TNFRSF10D: variants seen among roughly 807,000 people sequenced by gnomAD.
TNFRSF10D encodes the protein tumor necrosis factor receptor superfamily member 10D.
In TNFRSF10D, 28 loss-of-function variants were observed where a neutral mutation model predicts 42.1. The observed-to-expected ratio is 0.66, with a 90% CI of 0.49 to 0.91. The LOEUF is 0.91. Ranked by LOEUF, TNFRSF10D falls within the 40% of genes least tolerant of loss-of-function variation. TNFRSF10D has a pLI of 0.00. For missense variants in TNFRSF10D, 503 were observed against 486.1 expected (o/e 1.03, Z -0.33); for synonymous variants, 186 against 189.4 (o/e 0.98, Z 0.15).
chr8:23,152,236 A>T (rs190656937), intron 2 of TNFRSF10D, among the ~76,000 whole-genome samples: 21 of 152,264 alleles, frequency 1.4e-4, no homozygotes, highest in African/African-American at 4.6e-4. Context: ...TTACTTACAG[A>T]CTCCAGAGAG....
intron 7 of TNFRSF10D, among the ~76,000 whole-genome samples, chr8:23,140,375 GACACACACACACAC>G (rs71546853): frequency 2.5e-3 from 370 of 145,330 alleles, no homozygotes; most frequent in African/African-American, 7.5e-3. Context: ...ATTTACAACA[GACACACACACACAC>G]ACACACACAC....
In TNFRSF10D at chr8:23,145,745, A is replaced by C; in HGVS notation, c.659T>G (p.Val220Gly). 1 of 1,608,554 alleles carries C rather than the reference A, an allele frequency of 6.2e-7. No individual in the cohort carries two copies. Among genetic ancestry groups the C allele is most frequent in the Non-Finnish European group, 8.5e-7 (1 of 1,179,982 alleles). Residue 220 changes from valine (V) to glycine (G), a missense_variant, in exon 5 of 9, where the codon GTC becomes GGC. Transcript: ENST00000312584. ...YHYLIIIVVLVIILAVVVVGF... is the reference protein window; with the variant it reads ...YHYLIIIVVLGIILAVVVVGF... ...AACCACAACCACAGCTAAAATGATG[A>C]CTAAAACCACTATGATGATAAGGTA...
At position 23,137,816 on chromosome 8, in the gene TNFRSF10D, C is replaced by G; in HGVS notation, c.*54G>C. ...GGACTGTTTCTTCCAGGCTGCTTCC[C>G]TTTGTAGGAGAAAAGGTAAATGAGG... is the stretch of plus-strand genomic sequence containing the variant. On this transcript the variant is annotated 3_prime_UTR_variant, in exon 9 of 9. Transcript: ENST00000312584. 1 of 1,577,654 alleles carries G rather than the reference C, an allele frequency of 6.3e-7. No individual in the cohort carries two copies. Among genetic ancestry groups the G allele is most frequent in the South Asian group, 1.2e-5 (1 of 83,994 alleles).
chr8:23,160,670 G>C (rs552698868), intron 1 of TNFRSF10D, among the ~76,000 whole-genome samples: 1 of 152,112 alleles, frequency 6.6e-6, no homozygotes, highest in African/African-American at 2.4e-5. Context: ...GCATGGCACT[G>C]TCCCCACTGT....
chr8:23,160,576 G>T (rs1351624939), intron 1 of TNFRSF10D, among the ~76,000 whole-genome samples: 1 of 152,162 alleles, frequency 6.6e-6, no homozygotes, highest in African/African-American at 2.4e-5. Context: ...CATGTCCCCT[G>T]GTTGTTAGGA....
chr8:23,150,739 TAAC>T (rs1011514869), intron 2 of TNFRSF10D, among the ~76,000 whole-genome samples: 5 of 151,826 alleles, frequency 3.3e-5, no homozygotes, highest in African/African-American at 7.3e-5. Context: ...ATTCTAAAAT[TAAC>T]AACAACACAA....
intron 2 of TNFRSF10D, among the ~76,000 whole-genome samples, chr8:23,150,197 G>T (rs1004811319): frequency 2.0e-5 from 3 of 150,162 alleles, no homozygotes; most frequent in African/African-American, 7.5e-5. Context: ...ATGAACTCAG[G>T]CTCCAGGCCC....
At chr8:23,154,789 C>A (rs2128838877) in intron 2 of TNFRSF10D, 85 bp downstream of exon 2, 1 of 1,396,650 alleles carries the variant, frequency 7.2e-7, no homozygotes, top group Non-Finnish European at 9.9e-7. Flanking sequence ...GTGCATATTT[C>A]CAAACATCAT....
At chr8:23,155,439 G>T (rs941167770) in intron 1 of TNFRSF10D, among the ~76,000 whole-genome samples, 2 of 152,082 alleles carry the variant, frequency 1.3e-5, no homozygotes, top group East Asian at 1.9e-4. Context: ...AACACAAAAG[G>T]CCAGGCGCGG....
chr8:23,138,020 G>T lies in TNFRSF10D; in HGVS notation c.1028-17C>A. 1 of 1,613,682 alleles carries T rather than the reference G, an allele frequency of 6.2e-7. No homozygotes were observed. Among genetic ancestry groups the T allele is most frequent in the Non-Finnish European group, 8.5e-7 (1 of 1,179,802 alleles). ...AGGTGCTGACTGAGAAGAGAGAAGA[G>T]ATTTAGGGTCTCAATGCTCCAAGGA... On this transcript the variant is annotated splice_polypyrimidine_tract_variant and intron_variant, in intron 8 of 8. Coordinates refer to ENST00000312584, the MANE Select transcript of TNFRSF10D (RefSeq NM_003840.5).
At position 23,140,105 on chromosome 8, in the gene TNFRSF10D, C is replaced by T. The variant is rs140699669; in HGVS notation, c.955-1845G>A. ...GAGATCGAGACCATCCTGGCTAACA[C>T]GGTGAAACCCCACCTCTACTAAAAA... On this transcript the variant is annotated intron_variant, in intron 7 of 8. Coordinates refer to ENST00000312584, the MANE Select transcript of TNFRSF10D (RefSeq NM_003840.5). Among the ~76,000 whole-genome samples the T allele has an allele frequency of 9.6e-3, 1,458 of 152,178 alleles. 29 individuals carry two copies. The highest frequency in any genetic ancestry group is 0.033 in the African/African-American group (1,365 of 41,508).
rs113164266 is a variant in TNFRSF10D at position 23,137,628 on chromosome 8, C to G, written c.*242G>C. 2 of 462,596 alleles carry G rather than the reference C, an allele frequency of 4.3e-6. No homozygotes were observed. Among genetic ancestry groups the G allele is most frequent in the Admixed American group, 7.9e-5 (2 of 25,166 alleles). The allele number at this position is 462,596 out of a possible 1,614,324, so 28.7% of individuals were successfully genotyped here. A position where few individuals can be genotyped will look rare whatever the true frequency, so the allele number is the denominator to read the frequency against. ...CCTAAAACGACCCTTAATACACAAT[C>G]GTATAACTATGCAGCCAAGAATCTG... On this transcript the variant is annotated 3_prime_UTR_variant, in exon 9 of 9. Transcript: ENST00000312584.
intron 7 of TNFRSF10D, among the ~76,000 whole-genome samples, chr8:23,142,967 G>T (rs1399520154): frequency 6.8e-6 from 1 of 146,102 alleles, no homozygotes; most frequent in African/African-American, 2.6e-5. Context: ...CAGCACCTTT[G>T]TTTTTTTTTT....
chr8:23,142,517 G>T (rs1800045045), intron 7 of TNFRSF10D, among the ~76,000 whole-genome samples: 1 of 152,172 alleles, frequency 6.6e-6, no homozygotes, highest in African/African-American at 2.4e-5. Context: ...AATACTGCGT[G>T]TTCTCATTTA....
rs1563353300 is a variant in TNFRSF10D at position 23,138,222 on chromosome 8, C to T, written c.993G>A (p.Leu331=). The change falls in exon 8 of 9, where the codon CTG becomes CTA. Residue 331 remains leucine, a synonymous_variant. Transcript: ENST00000312584. ...AGTCAGCGTCATTCACTGGAACCAG[C>T]AGCCTCCTCCTCTGACACCCTTCAG... ...AEAEGCQRRR[L]LVPVNDADSA... 6 of 1,614,242 alleles carry T rather than the reference C, an allele frequency of 3.7e-6. No individual in the cohort carries two copies. In the South Asian group the frequency reaches 5.5e-5, roughly 15 times the overall value.
intron 2 of TNFRSF10D, among the ~76,000 whole-genome samples, chr8:23,151,366 G>C (rs375177360): frequency 6.6e-6 from 1 of 152,016 alleles, no homozygotes; most frequent in Non-Finnish European, 1.5e-5. Flanking sequence ...AAAACGGGGG[G>C]AGTTCATCTT....
rs560638161 is a variant in TNFRSF10D at position 23,149,033 on chromosome 8, A to G, written c.257-482T>C. On this transcript the variant is annotated intron_variant, in intron 2 of 8. Transcript: ENST00000312584. ...GTGAAACCCCATCTCTACTAAAAATACAAAAAATTAGCCGGGCGTGGTGGC... is the reference window on the plus strand; with the variant it reads ...GTGAAACCCCATCTCTACTAAAAATGCAAAAAATTAGCCGGGCGTGGTGGC... Among the ~76,000 whole-genome samples, 7 of 151,492 alleles carry G rather than the reference A, an allele frequency of 4.6e-5. No homozygotes were observed. In the East Asian group the frequency reaches 6.0e-4, roughly 13 times the overall value.
intron 2 of TNFRSF10D, among the ~76,000 whole-genome samples, chr8:23,153,289 A>G (rs1800232307): frequency 6.6e-6 from 1 of 152,196 alleles, no homozygotes; most frequent in Non-Finnish European, 1.5e-5. Flanking sequence ...ATAGGGGAAA[A>G]TCTTCATGAC....
chr8:23,161,309 C>T (rs575761688), intron 1 of TNFRSF10D, among the ~76,000 whole-genome samples: 49 of 152,302 alleles, frequency 3.2e-4, no homozygotes, highest in African/African-American at 1.2e-3. Context: ...CCTCAGAGTC[C>T]GAGATTCTGG....
Sources: allele counts gnomAD v4.1 joint callset (sites outside exome capture counted in the v4.1 genomes callset), GRCh38; gene constraint gnomAD v4.1.1; transcripts MANE v1.5; gene names NCBI Gene and HGNC (gene_info 2026-07-23, HGNC 2026-07-21).